The following GPM6A variants were observed in gnomAD, a reference collection of about 807,000 sequenced individuals.
The protein encoded by GPM6A is neuronal membrane glycoprotein M6-a.
In GPM6A, 7 loss-of-function variants were observed where a neutral mutation model predicts 32.1. The ratio of observed to expected loss-of-function variants is 0.22; its 90% CI spans 0.12 to 0.41. GPM6A has a LOEUF of 0.41. GPM6A is among the 10% of genes least tolerant of loss of function. GPM6A has a pLI of 1.00. For synonymous variants in GPM6A, 130 were observed against 123.4 expected (o/e 1.05, Z -0.35); for missense variants, 235 against 347.2 (o/e 0.68, Z 2.57).
At chr4:175,988,734 C>T (rs1196997070) in intron 1 of GPM6A, among the ~76,000 whole-genome samples, 1 of 152,158 alleles carries the variant, frequency 6.6e-6, no homozygotes, top group Non-Finnish European at 1.5e-5. Flanking sequence ...AAAACAACAA[C>T]CAACAAAGCA....
At chr4:175,708,277 AGG>A (rs1213214156) in intron 1 of GPM6A, among the ~76,000 whole-genome samples, 1 of 152,218 alleles carries the variant, frequency 6.6e-6, no homozygotes, top group Admixed American at 6.5e-5. Context: ...TAAAGAGACC[AGG>A]GAAGGAATAA....
In GPM6A at chr4:175,676,054, G is replaced by C. The variant is rs73020109; in HGVS notation, c.231-2218C>G. ...TTCTTGTGATAGTGAGTGAGTTCTC[G>C]TGAGATCTGATGGTTTTCTAAGATG... is the stretch of plus-strand genomic sequence containing the variant. On this transcript the variant is annotated intron_variant, in intron 2 of 6. Coordinates refer to ENST00000393658, the MANE Select transcript of GPM6A (RefSeq NM_201591.3). 2.0e-5 allele frequency among the ~76,000 whole-genome samples: 3 copies of C among 151,978 alleles called. No individual in the cohort carries two copies. In the South Asian group the frequency reaches 6.2e-4, roughly 32 times the overall value.
intron 3 of GPM6A, among the ~76,000 whole-genome samples, chr4:175,666,408 T>C (rs1349123285): frequency 6.6e-6 from 1 of 152,174 alleles, no homozygotes; most frequent in Non-Finnish European, 1.5e-5. Context: ...CTCAATATGT[T>C]GTGAAGCGAT....
rs564354946 is a variant in GPM6A, at chr4:175,918,371, G to A, written c.-23+83938C>T. 1.8e-4 allele frequency among the ~76,000 whole-genome samples: 28 copies of A among 152,102 alleles called. No individual in the cohort carries two copies. In the East Asian group the frequency reaches 4.4e-3, roughly 24 times the overall value. On this transcript the variant is annotated intron_variant, in intron 1 of 7. Coordinates refer to the GPM6A transcript ENST00000280187. ...TGAGTTACATGTGGAAGAGGCTTTAGGAGAAAAAATAGAATTGGAAAAGAA... is the reference window on the plus strand; with the variant it reads ...TGAGTTACATGTGGAAGAGGCTTTAAGAGAAAAAATAGAATTGGAAAAGAA...
intron 1 of GPM6A, among the ~76,000 whole-genome samples, chr4:175,756,370 G>A (rs1560915791): frequency 6.6e-6 from 1 of 152,108 alleles, no homozygotes; most frequent in Admixed American, 6.6e-5. Context: ...GGAATGACAA[G>A]AGTTGAGTTA....
intron 6 of GPM6A, among the ~76,000 whole-genome samples, chr4:175,636,519 G>A (rs1196976710): frequency 6.6e-6 from 1 of 150,836 alleles, no homozygotes; most frequent in East Asian, 1.9e-4. Flanking sequence ...ATTGAGGCCA[G>A]GTGCGGTGGC....
intron 1 of GPM6A, among the ~76,000 whole-genome samples, chr4:175,739,858 AAATT>A (rs1731809003): frequency 6.6e-6 from 1 of 152,082 alleles, no homozygotes; most frequent in African/African-American, 2.4e-5. Context: ...AGAAATTACT[AAATT>A]ATTTATGCCT....
intron 1 of GPM6A, among the ~76,000 whole-genome samples, chr4:175,887,616 A>G (rs1271559340): frequency 6.6e-6 from 1 of 152,098 alleles, no homozygotes; most frequent in Non-Finnish European, 1.5e-5. Context: ...AGTGTTCTAG[A>G]TGCTAATACG....
intron 1 of GPM6A, among the ~76,000 whole-genome samples, chr4:175,833,746 C>A (rs543469103): frequency 6.6e-6 from 1 of 152,032 alleles, no homozygotes; most frequent in African/African-American, 2.4e-5. Flanking sequence ...TTCTGCCTAA[C>A]CACCAGTCAC....
chr4:175,922,319 G>A (rs1352937526), intron 1 of GPM6A, among the ~76,000 whole-genome samples: 1 of 152,094 alleles, frequency 6.6e-6, no homozygotes, highest in Non-Finnish European at 1.5e-5. Flanking sequence ...TGAGTATCCT[G>A]ATGTCAGCAA....
intron 3 of GPM6A, among the ~76,000 whole-genome samples, chr4:175,657,412 A>C (rs1445961677): frequency 6.6e-6 from 1 of 152,220 alleles, no homozygotes; most frequent in Admixed American, 6.5e-5. Flanking sequence ...CTATACTTTT[A>C]AAATCACTGC....
intron 1 of GPM6A, among the ~76,000 whole-genome samples, chr4:175,992,502 G>A (rs1404984771): frequency 6.6e-6 from 1 of 152,158 alleles, no homozygotes; most frequent in Non-Finnish European, 1.5e-5. Context: ...GTGAGGATGT[G>A]GGGCTCAATA....
intron 1 of GPM6A, among the ~76,000 whole-genome samples, chr4:175,896,297 C>T (rs1389741298): frequency 6.6e-6 from 1 of 152,052 alleles, no homozygotes; most frequent in Non-Finnish European, 1.5e-5. Flanking sequence ...TTCCTCAGGC[C>T]ACAAAGTTCT....
chr4:175,776,402 C>T (rs1218681901), intron 1 of GPM6A, among the ~76,000 whole-genome samples: 2 of 152,060 alleles, frequency 1.3e-5, no homozygotes, highest in Admixed American at 1.3e-4. Flanking sequence ...ACGTGAGGAA[C>T]GGAATCAGGA....
At chr4:175,801,729 T>C (rs1734480067) in intron 1 of GPM6A, among the ~76,000 whole-genome samples, 3 of 152,074 alleles carry the variant, frequency 2.0e-5, no homozygotes, top group Admixed American at 2.0e-4. Context: ...GACCTCATCA[T>C]CATTAGGTTA....
intron 1 of GPM6A, among the ~76,000 whole-genome samples, chr4:175,726,241 T>C (rs6846479): frequency 0.87 from 131,810 of 151,628 alleles, 57,516 homozygotes; most frequent in Non-Finnish European, 0.92. Flanking sequence ...CCTCGTGATC[T>C]GCCCTCCTCG....
intron 1 of GPM6A, among the ~76,000 whole-genome samples, chr4:175,767,546 T>A (rs561146253): frequency 6.6e-6 from 1 of 152,348 alleles, no homozygotes; most frequent in South Asian, 2.1e-4. Context: ...GAAAACAGAT[T>A]TTTTTAGAGG....
At chr4:175,715,875 G>A (rs549707984) in intron 1 of GPM6A, among the ~76,000 whole-genome samples, 13 of 152,194 alleles carry the variant, frequency 8.5e-5, no homozygotes, top group African/African-American at 3.1e-4. Flanking sequence ...AGACCAGCCT[G>A]ACCAACATGG....
At chr4:175,974,642 C>A (rs1379598585) in intron 1 of GPM6A, among the ~76,000 whole-genome samples, 2 of 152,078 alleles carry the variant, frequency 1.3e-5, no homozygotes, top group Non-Finnish European at 2.9e-5. Flanking sequence ...ACATAAGAAT[C>A]CTATTTATGT....
Sources: gnomAD v4.1 joint callset for allele counts (sites outside exome capture counted in the v4.1 genomes callset) on GRCh38, gnomAD v4.1.1 for gene constraint, MANE v1.5 for transcripts, NCBI Gene and HGNC (gene_info 2026-07-23, HGNC 2026-07-21) for gene names.